Variants in RSF1 observed in about 807,000 individuals in gnomAD.
The protein encoded by RSF1 is HBV pX-associated protein 8.
In RSF1, 13 loss-of-function variants were observed where a neutral mutation model predicts 145.2. The observed-to-expected ratio is 0.09, with a 90% CI of 0.06 to 0.14. The LOEUF is 0.14. Among genes scored for constraint, RSF1 ranks in the 10% least tolerant of loss-of-function variants. The probability of loss-of-function intolerance (pLI) is 1.00; values close to 1 mark genes in which losing one functional copy is unlikely to be tolerated. For missense variants in RSF1, 1,517 were observed against 1,718.2 expected (o/e 0.88, Z 2.07); for synonymous variants, 577 against 592.6 (o/e 0.97, Z 0.38).
intron 4 of RSF1, among the ~76,000 whole-genome samples, chr11:77,736,699 T>C (rs1961361527): frequency 6.6e-6 from 1 of 152,170 alleles, no homozygotes; most frequent in African/African-American, 2.4e-5. Context: ...ATAATATGCA[T>C]AAACACACCC....
At chr11:77,816,738 C>T (rs758302097) in intron 1 of RSF1, among the ~76,000 whole-genome samples, 24 of 152,196 alleles carry the variant, frequency 1.6e-4, no homozygotes, top group Non-Finnish European at 3.1e-4. Context: ...CTCACAAAGT[C>T]AACGTCAACT....
chr11:77,792,728 CA>C (rs781254631), intron 1 of RSF1, among the ~76,000 whole-genome samples: 66 of 147,034 alleles, frequency 4.5e-4, no homozygotes, highest in Non-Finnish European at 8.8e-4. Flanking sequence ...ATGACATATT[CA>C]AAGGTCTGAA....
At chr11:77,724,016 A>G (rs1007313329) in intron 5 of RSF1, among the ~76,000 whole-genome samples, 1 of 152,234 alleles carries the variant, frequency 6.6e-6, no homozygotes, top group African/African-American at 2.4e-5. Flanking sequence ...CAGGTTTAAC[A>G]ATTACAATTA....
intron 4 of RSF1, among the ~76,000 whole-genome samples, chr11:77,733,669 C>T (rs1565163678): frequency 1.3e-5 from 2 of 151,736 alleles, no homozygotes; most frequent in African/African-American, 4.8e-5. Flanking sequence ...TCAAGCAATC[C>T]TCCCACCTCA....
intron 12 of RSF1, 176 bp from the exon 13 acceptor site, chr11:77,677,175 C>A: frequency 3.3e-6 from 2 of 599,908 alleles, no homozygotes; most frequent in Admixed American, 3.2e-5. Flanking sequence ...AGAGTTTTAG[C>A]ATTCGTTTAC....
At chr11:77,786,972 C>T (rs1289686750) in intron 1 of RSF1, among the ~76,000 whole-genome samples, 1 of 152,134 alleles carries the variant, frequency 6.6e-6, no homozygotes, top group Non-Finnish European at 1.5e-5. Context: ...CAATCAAAAA[C>T]CTGGCAATCT....
chr11:77,745,665 T>C (rs1947992146), intron 3 of RSF1, among the ~76,000 whole-genome samples: 1 of 151,630 alleles, frequency 6.6e-6, no homozygotes, highest in African/African-American at 2.4e-5. Context: ...AGATTTTCAT[T>C]GATAGCTGGC....
chr11:77,734,570 C>T, intron 4 of RSF1: 1 of 1,543,478 alleles, frequency 6.5e-7, no homozygotes, highest in South Asian at 1.1e-5. Context: ...AAGTTGGTCA[C>T]ATGGTCATCC....
intron 4 of RSF1, among the ~76,000 whole-genome samples, chr11:77,731,760 G>A (rs956020863): frequency 6.6e-6 from 1 of 152,248 alleles, no homozygotes; most frequent in African/African-American, 2.4e-5. Flanking sequence ...GCTTCCATGT[G>A]GTGCTGAACC....
chr11:77,832,617 C>T, the RSF1 span, among the ~76,000 whole-genome samples: 13 of 151,964 alleles, frequency 8.6e-5, no homozygotes, highest in East Asian at 3.9e-4. Context: ...TGAGCCACCG[C>T]GCCTGGCCAT....
At chr11:77,683,259 C>G (rs980402981) in intron 11 of RSF1, among the ~76,000 whole-genome samples, 2 of 152,058 alleles carry the variant, frequency 1.3e-5, no homozygotes, top group African/African-American at 4.8e-5. Context: ...CCACTGCACT[C>G]CAGCCTGGAG....
chr11:77,731,352 T>C (rs1163973911), intron 4 of RSF1, among the ~76,000 whole-genome samples: 1 of 152,194 alleles, frequency 6.6e-6, no homozygotes, highest in Non-Finnish European at 1.5e-5. Context: ...GTGACCTGAG[T>C]GCTGTTAAAG....
At chr11:77,715,654 G>T (rs1157879621) in intron 5 of RSF1, among the ~76,000 whole-genome samples, 1 of 152,156 alleles carries the variant, frequency 6.6e-6, no homozygotes. Flanking sequence ...CACAATGTTG[G>T]CCAAGCTGGT....
chr11:77,791,401 G>A (rs887017275), intron 1 of RSF1, among the ~76,000 whole-genome samples: 4 of 152,134 alleles, frequency 2.6e-5, no homozygotes, highest in African/African-American at 9.7e-5. Context: ...GAAGACCTCC[G>A]ACATGCCCTG....
At chr11:77,689,700 A>T (rs1960099615) in intron 9 of RSF1, among the ~76,000 whole-genome samples, 2 of 152,258 alleles carry the variant, frequency 1.3e-5, no homozygotes, top group Non-Finnish European at 2.9e-5. Context: ...CCATGTAAAC[A>T]AGAGCTTTGT....
chr11:77,869,978 G>A, the RSF1 span: 1 of 582,008 alleles, frequency 1.7e-6, no homozygotes, highest in East Asian at 2.9e-5. Context: ...TGCCTCATCA[G>A]CGTTGGGCTC....
intron 1 of RSF1, among the ~76,000 whole-genome samples, chr11:77,815,621 C>T (rs1948774050): frequency 6.6e-6 from 1 of 152,022 alleles, no homozygotes. Context: ...GACTATTGCT[C>T]CACTTGATAA....
At chr11:77,672,626 C>T (rs1280165988) in intron 14 of RSF1, among the ~76,000 whole-genome samples, 1 of 151,900 alleles carries the variant, frequency 6.6e-6, no homozygotes, top group Non-Finnish European at 1.5e-5. Flanking sequence ...TAATGCCAAA[C>T]CTCACAATAT....
intron 15 of RSF1, among the ~76,000 whole-genome samples, chr11:77,670,567 A>G (rs1322338634): frequency 2.0e-5 from 3 of 152,044 alleles, no homozygotes; most frequent in Admixed American, 2.0e-4. Context: ...CATAAGAGCT[A>G]TTTTGTTTGC....
Sources: gnomAD v4.1 joint callset for allele counts (sites outside exome capture counted in the v4.1 genomes callset) on GRCh38, gnomAD v4.1.1 for gene constraint, MANE v1.5 for transcripts, NCBI Gene and HGNC (gene_info 2026-07-23, HGNC 2026-07-21) for gene names.